The following CINP variants were observed in gnomAD, a reference collection of about 807,000 sequenced individuals.
The protein encoded by CINP is cyclin dependent kinase 2 interacting protein.
A neutral mutation model predicts 20.5 loss-of-function variants in CINP; 11 were observed. The observed-to-expected ratio is 0.54, with a 90% confidence interval of 0.34 to 0.89. The LOEUF (loss-of-function observed/expected upper bound fraction) is 0.89, where lower values mean the gene tolerates loss of function less well. Ranked by LOEUF, CINP falls within the 40% of genes least tolerant of loss-of-function variation. The probability of loss-of-function intolerance (pLI) is 0.02; values close to 1 mark genes in which losing one functional copy is unlikely to be tolerated. For synonymous variants in CINP, 108 were observed against 102.1 expected (o/e 1.06, Z -0.35); for missense variants, 213 against 251.0 (o/e 0.85, Z 1.02).
chr14:102,357,740 A>T (rs1887028957), intron 2 of CINP, among the ~76,000 whole-genome samples: 1 of 152,278 alleles, frequency 6.6e-6, no homozygotes, highest in African/African-American at 2.4e-5. Context: ...TCTCCATAAC[A>T]TAAAAGTGCA....
chr14:102,361,154 T>C (rs1194788281), intron 1 of CINP, among the ~76,000 whole-genome samples: 1 of 152,124 alleles, frequency 6.6e-6, no homozygotes, highest in Non-Finnish European at 1.5e-5. Context: ...GAGATTTGAA[T>C]GATGAAAAGC....
chr14:102,362,508 G>A, intron 1 of CINP: 1 of 699,994 alleles, frequency 1.4e-6, no homozygotes, highest in Non-Finnish European at 2.6e-6. Flanking sequence ...TTCTGGACGA[G>A]ATGAGCATGC....
chr14:102,362,725 A>G (rs1887199277), intron 1 of CINP, 120 bp downstream of exon 1: 1 of 1,344,588 alleles, frequency 7.4e-7, no homozygotes, highest in Non-Finnish European at 1.1e-6. Flanking sequence ...GGGGTAAGAC[A>G]GAGGACCTCC....
chr14:102,352,551 A>G (rs1266713836), intron 3 of CINP: 3 of 455,964 alleles, frequency 6.6e-6, no homozygotes, highest in Admixed American at 2.4e-5. Context: ...TCTGGAAACC[A>G]TTCTCTATAA....
At chr14:102,350,431 GGCAT>G (rs1316224722) in intron 3 of CINP, among the ~76,000 whole-genome samples, 2 of 145,796 alleles carry the variant, frequency 1.4e-5, no homozygotes, top group Non-Finnish European at 3.0e-5. Flanking sequence ...CATTCTGTGT[GGCAT>G]GATCATGCCT....
rs760438459 is a variant in CINP, at chr14:102,348,749, C to G, written c.447G>C (p.Ser149=). The change falls in exon 5 of 5, where the codon TCG becomes TCC. Residue 149 remains serine (S), a synonymous_variant. Transcript: ENST00000216756. ...TWPTTHFYEV[S]HKLLEMYRKE... ...TCCTGTACATCTCCAAGAGCTTATG[C>G]GAAACCTCATCTGAAAGAAACGTGA... 1 of 1,613,254 alleles carries G rather than the reference C, an allele frequency of 6.2e-7. No individual in the cohort carries two copies. Among genetic ancestry groups the G allele is most frequent in the Non-Finnish European group, 8.5e-7 (1 of 1,179,612 alleles).
chr14:102,360,549 A>T (rs1291260962), intron 1 of CINP, among the ~76,000 whole-genome samples: 1 of 152,244 alleles, frequency 6.6e-6, no homozygotes, highest in Non-Finnish European at 1.5e-5. Context: ...CCAGCTCGCC[A>T]GCTGTGAGAT....
intron 2 of CINP, among the ~76,000 whole-genome samples, chr14:102,358,675 G>A (rs1289999210): frequency 1.3e-5 from 2 of 151,484 alleles, no homozygotes; most frequent in Non-Finnish European, 2.9e-5. Flanking sequence ...AGTGAGACTC[G>A]TCTCCAAAAA....
intron 3 of CINP, among the ~76,000 whole-genome samples, chr14:102,350,882 G>A (rs1364006182): frequency 1.3e-5 from 2 of 148,496 alleles, no homozygotes; most frequent in African/African-American, 5.0e-5. Flanking sequence ...CTGGAGTGCA[G>A]TGGCGAGATC....
In CINP at chr14:102,355,950, A is replaced by AT. The variant is rs1028783097; in HGVS notation, c.177-54dup. ...AAAATATACTCTTTAAGCTTGCCTT[A>AT]TTTCCTTATAATAAATTCTACAAAC... On this transcript the variant is annotated intron_variant, in intron 2 of 4. Transcript: ENST00000216756. 16 of 1,576,184 alleles carry AT rather than the reference A, an allele frequency of 1.0e-5. No homozygotes were observed. The African/African-American group carries it at 1.9e-4, about 19-fold the overall frequency.
In CINP at chr14:102,354,291, G is replaced by A. The variant is rs1361436420; in HGVS notation, c.306+1477C>T. Among the ~76,000 whole-genome samples, 3 of 152,182 alleles carry A rather than the reference G, an allele frequency of 2.0e-5. No individual in the cohort carries two copies. The East Asian group carries it at 5.8e-4, about 29-fold the overall frequency. Reference sequence around the variant, plus strand: ...TTAGTCTCTTACGTGCTGTATCAGGGATGGGCAAACTATCCCTGGAACACA... The same window carrying A: ...TTAGTCTCTTACGTGCTGTATCAGGAATGGGCAAACTATCCCTGGAACACA... On this transcript the variant is annotated intron_variant, in intron 3 of 4. Transcript: ENST00000216756.
intron 3 of CINP, among the ~76,000 whole-genome samples, chr14:102,354,091 G>T (rs572625449): frequency 1.3e-5 from 2 of 152,086 alleles, no homozygotes; most frequent in African/African-American, 2.4e-5. Context: ...CAAACAAAAA[G>T]GTGAAAATAT....
Position 102,348,728 on chromosome 14 carries a change from G to A in CINP, c.468C>T (p.Tyr156=), listed in dbSNP as rs1227232643. The part of the protein sequence containing the change: ...YEVSHKLLEM[Y]RKELLLKRTV... ...TGCGCTTCAGGAGCAGCTCCTTCCT[G>A]TACATCTCCAAGAGCTTATGCGAAA... Residue 156 remains tyrosine, a synonymous_variant, in exon 5 of 5, where the codon TAC becomes TAT. Coordinates refer to ENST00000216756, the MANE Select transcript of CINP (RefSeq NM_032630.3). The A allele has an allele frequency of 1.5e-5, 25 of 1,613,660 alleles. No individual in the cohort carries two copies. The highest frequency in any genetic ancestry group is 2.0e-5 in the Non-Finnish European group (24 of 1,179,886).
intron 2 of CINP, among the ~76,000 whole-genome samples, 194 bp downstream of exon 2, chr14:102,359,223 ACT>A (rs1887071292): frequency 3.7e-5 from 2 of 53,900 alleles, no homozygotes; most frequent in African/African-American, 1.1e-4. Flanking sequence ...TAAATAAATA[ACT>A]AAATATATAT....
chr14:102,353,555 T>C (rs1215497473), intron 3 of CINP, among the ~76,000 whole-genome samples: 1 of 152,068 alleles, frequency 6.6e-6, no homozygotes, highest in African/African-American at 2.4e-5. Flanking sequence ...TATGACATGA[T>C]AGAAATGGCA....
At chr14:102,360,553 G>A (rs1887117972) in intron 1 of CINP, among the ~76,000 whole-genome samples, 2 of 152,220 alleles carry the variant, frequency 1.3e-5, no homozygotes, top group African/African-American at 4.8e-5. Flanking sequence ...CTCGCCAGCT[G>A]TGAGATCTTG....
chr14:102,361,617 G>A (rs748738798), intron 1 of CINP, among the ~76,000 whole-genome samples: 1 of 152,132 alleles, frequency 6.6e-6, no homozygotes, highest in Non-Finnish European at 1.5e-5. Flanking sequence ...CTCCAGCCTG[G>A]GTGACAGAGC....
chr14:102,348,341 AG>A lies in CINP; in HGVS notation c.*215del, dbSNP rs1377992033. The A allele has an allele frequency of 5.3e-6, 3 of 562,102 alleles. No individual in the cohort carries two copies. The African/African-American group carries it at 5.6e-5, about 11-fold the overall frequency. The allele number at this position is 562,102 out of a possible 1,614,324, so 34.8% of individuals were successfully genotyped here. The stretch of plus-strand genomic sequence containing the variant: ...CACCCACGAATGACAGATTCCCAGG[AG>A]GGGCAGAGAAGGCTGAGCAGCACCA... On this transcript the variant is annotated 3_prime_UTR_variant, in exon 5 of 5. Coordinates refer to ENST00000216756, the MANE Select transcript of CINP (RefSeq NM_032630.3).
chr14:102,353,008 G>T (rs181377745), intron 3 of CINP, among the ~76,000 whole-genome samples: 1 of 151,326 alleles, frequency 6.6e-6, no homozygotes, highest in African/African-American at 2.4e-5. Context: ...GTGGTGGCAG[G>T]CACCTGTAAT....
Sources: gnomAD v4.1 joint callset for allele counts (sites outside exome capture counted in the v4.1 genomes callset) on GRCh38, gnomAD v4.1.1 for gene constraint, MANE v1.5 for transcripts, NCBI Gene and HGNC (gene_info 2026-07-23, HGNC 2026-07-21) for gene names.